MAPKAPK5: variants seen among roughly 807,000 people sequenced by gnomAD.
MAPKAPK5 encodes the protein MAPK activated protein kinase 5.
Under a neutral mutation model 65.1 loss-of-function variants are expected in MAPKAPK5, and 30 were observed. The observed-to-expected ratio is 0.46, with a 90% confidence interval of 0.34 to 0.63. MAPKAPK5 has a LOEUF of 0.63. Ranked by LOEUF, MAPKAPK5 falls within the 20% of genes least tolerant of loss-of-function variation. The pLI is 0.01. For synonymous variants in MAPKAPK5, 179 were observed against 204.6 expected (o/e 0.87, Z 1.07); for missense variants, 433 against 581.4 (o/e 0.74, Z 2.63).
rs2071070611 is a variant in MAPKAPK5, at chr12:111,901,739, A to G, written c.*8678A>G. ...ATAGGGAGATGAAGCCAAGTATATCAAACTCCTCAAGTACTGAGTGGGAAT... is the reference window on the plus strand; with the variant it reads ...ATAGGGAGATGAAGCCAAGTATATCGAACTCCTCAAGTACTGAGTGGGAAT... On this transcript the variant is annotated 3_prime_UTR_variant, in exon 14 of 14. Transcript: ENST00000550735. 4.2e-6 allele frequency: 1 copy of G among 239,804 alleles called. No homozygotes were observed. Among genetic ancestry groups the G allele is most frequent in the Non-Finnish European group, 8.2e-6 (1 of 121,230 alleles). The allele number at this position is 239,804 out of a possible 1,614,324, so 14.9% of individuals were successfully genotyped here.
intron 4 of MAPKAPK5, 51 bp from the exon 5 acceptor site, chr12:111,868,698 GTTTC>G: frequency 2.2e-6 from 3 of 1,345,824 alleles, no homozygotes; most frequent in East Asian, 2.6e-5. Flanking sequence ...AGGGTTTTTT[GTTTC>G]TTTTTCTTTT....
chr12:111,892,938 G>A, intron 13 of MAPKAPK5, 29 bp from the exon 14 acceptor site: 1 of 1,505,622 alleles, frequency 6.6e-7, no homozygotes, highest in Non-Finnish European at 9.0e-7. Flanking sequence ...AGAATTTGAG[G>A]ACTGACCTTG....
In MAPKAPK5 at chr12:111,900,411, T is replaced by TAAAA. The variant is rs1350339748; in HGVS notation, c.*7350_*7351insAAAA. ...TCAGCACGACCACTCGGCCTGCTTT[T>TAAAA]GTAAAGATAAGCACTTTTGCCTCAT... On this transcript the variant is annotated 3_prime_UTR_variant, in exon 14 of 14. Transcript: ENST00000550735. 6.6e-6 allele frequency: 3 copies of TAAAA among 455,970 alleles called. No individual in the cohort carries two copies. In the Admixed American group the frequency reaches 7.1e-5, roughly 11 times the overall value. 28.2% of individuals were successfully genotyped at this position (455,970 alleles called of 1,614,324 possible).
rs374783000 is a variant in MAPKAPK5 at position 111,866,249 on chromosome 12, G to A, written c.186+18G>A. 20 of 1,597,484 alleles carry A rather than the reference G, an allele frequency of 1.3e-5. No individual in the cohort carries two copies. Among genetic ancestry groups the A allele is most frequent in the African/African-American group, 2.7e-5 (2 of 74,446 alleles). ...GAAATGAGGTATGCTTTATTGCCTC[G>A]ACTTAATTAAATAGTTGAAGTGCCT... On this transcript the variant is annotated intron_variant, in intron 3 of 13. Transcript: ENST00000550735.
chr12:111,890,303 A>C (rs2070559351), intron 13 of MAPKAPK5, among the ~76,000 whole-genome samples, 159 bp downstream of exon 13: 1 of 152,216 alleles, frequency 6.6e-6, no homozygotes, highest in Non-Finnish European at 1.5e-5. Context: ...TTAGCTCTAC[A>C]TTAACTGCCC....
intron 1 of MAPKAPK5, among the ~76,000 whole-genome samples, chr12:111,848,734 C>T (rs1435771472): frequency 2.0e-5 from 3 of 150,754 alleles, no homozygotes; most frequent in African/African-American, 7.3e-5. Context: ...TTTAGAATTG[C>T]TTTTTTTTGT....
chr12:111,854,528 C>G (rs768355785), intron 1 of MAPKAPK5, among the ~76,000 whole-genome samples: 1 of 152,122 alleles, frequency 6.6e-6, no homozygotes, highest in Non-Finnish European at 1.5e-5. Flanking sequence ...CATGAGCCAC[C>G]GTGCTCGGCC....
In MAPKAPK5 at chr12:111,899,646, T is replaced by TA. The variant is rs2070953834; in HGVS notation, c.*6586dup. 1 of 291,506 alleles carries TA rather than the reference T, an allele frequency of 3.4e-6. No individual in the cohort carries two copies. Among genetic ancestry groups the TA allele is most frequent in the East Asian group, 8.3e-5 (1 of 12,094 alleles). 18.1% of individuals were successfully genotyped at this position (291,506 alleles called of 1,614,324 possible). On this transcript the variant is annotated 3_prime_UTR_variant, in exon 14 of 14. Coordinates refer to ENST00000550735, the MANE Select transcript of MAPKAPK5 (RefSeq NM_003668.4). ...TGTGAATAACTTTCCAGTCTACAGT[T>TA]ACCACAATGGCCTCCTGGGGCAAGA...
intron 1 of MAPKAPK5, among the ~76,000 whole-genome samples, chr12:111,845,916 C>A (rs945165745): frequency 6.6e-6 from 1 of 152,106 alleles, no homozygotes; most frequent in African/African-American, 2.4e-5. Flanking sequence ...GAGTTAGACT[C>A]CTTCTCAAAA....
rs12317129 is a variant in MAPKAPK5, at chr12:111,901,647, A to C, written c.*8586A>C. Reference sequence around the variant, plus strand: ...GTGGCCACAGAAGAAAAAGAAGAGAAGGAGGAAGAAAAAGAAGAGGAGGAG... The same window carrying C: ...GTGGCCACAGAAGAAAAAGAAGAGACGGAGGAAGAAAAAGAAGAGGAGGAG... On this transcript the variant is annotated 3_prime_UTR_variant, in exon 14 of 14. Transcript: ENST00000550735. 0.013 allele frequency: 3,684 copies of C among 273,196 alleles called. 146 individuals carry two copies. Among genetic ancestry groups the C allele is most frequent in the African/African-American group, 0.077 (3,392 of 43,854 alleles). 16.9% of individuals were successfully genotyped at this position (273,196 alleles called of 1,614,324 possible).
At chr12:111,849,582 A>G (rs2069007295) in intron 1 of MAPKAPK5, among the ~76,000 whole-genome samples, 2 of 152,300 alleles carry the variant, frequency 1.3e-5, no homozygotes, top group South Asian at 2.1e-4. Flanking sequence ...TATAAACTGA[A>G]TAAAAGTCAT....
At chr12:111,889,960 A>G in intron 12 of MAPKAPK5, 80 bp from the exon 13 acceptor site, 1 of 852,088 alleles carries the variant, frequency 1.2e-6, no homozygotes, top group Middle Eastern at 2.5e-4. Context: ...CCAGTTGGAC[A>G]TCACGTCCCT....
At chr12:111,865,027 C>T (rs1050510351) in intron 1 of MAPKAPK5, among the ~76,000 whole-genome samples, 3 of 152,180 alleles carry the variant, frequency 2.0e-5, no homozygotes, top group Non-Finnish European at 4.4e-5. Flanking sequence ...TTCCTTTTAT[C>T]GTGAAGTCTT....
intron 1 of MAPKAPK5, among the ~76,000 whole-genome samples, chr12:111,853,092 TTTC>T (rs1232235246): frequency 1.3e-5 from 2 of 152,088 alleles, no homozygotes; most frequent in African/African-American, 2.4e-5. Flanking sequence ...GTATTCCTGT[TTTC>T]TTCTTCACGC....
chr12:111,878,161 T>C (rs1171369093), intron 7 of MAPKAPK5, among the ~76,000 whole-genome samples: 1 of 152,148 alleles, frequency 6.6e-6, no homozygotes, highest in African/African-American at 2.4e-5. Flanking sequence ...TTTTCATGAA[T>C]GCCAGTTTAT....
intron 1 of MAPKAPK5, among the ~76,000 whole-genome samples, chr12:111,856,004 C>CCT (rs1241836249): frequency 1.3e-5 from 2 of 151,764 alleles, no homozygotes; most frequent in East Asian, 3.9e-4. Context: ...TACAGGCATA[C>CCT]ACCACCATGC....
chr12:111,874,836 G>A (rs1330144758), intron 7 of MAPKAPK5, among the ~76,000 whole-genome samples: 9 of 145,882 alleles, frequency 6.2e-5, no homozygotes, highest in African/African-American at 1.5e-4. Context: ...GTGCAGTGGC[G>A]CAATCTCGGC....
chr12:111,882,771 C>T, intron 8 of MAPKAPK5: 1 of 984,372 alleles, frequency 1.0e-6, no homozygotes, highest in East Asian at 1.1e-4. Flanking sequence ...GCATTTAGAC[C>T]TTCTGTTCTT....
chr12:111,847,487 G>T (rs1193577093), intron 1 of MAPKAPK5, among the ~76,000 whole-genome samples: 1 of 152,074 alleles, frequency 6.6e-6, no homozygotes, highest in Non-Finnish European at 1.5e-5. Context: ...AGCTAAATCT[G>T]GAGAGTGGGC....
Sources: gnomAD v4.1 joint callset for allele counts (sites outside exome capture counted in the v4.1 genomes callset) on GRCh38, gnomAD v4.1.1 for gene constraint, MANE v1.5 for transcripts, NCBI Gene and HGNC (gene_info 2026-07-23, HGNC 2026-07-21) for gene names.